The following MYO1D variants were observed in gnomAD, a reference collection of about 807,000 sequenced individuals.
The protein encoded by MYO1D is unconventional myosin-Id.
In MYO1D, 83 loss-of-function variants were observed where a neutral mutation model predicts 122.0. The observed-to-expected ratio is 0.68, with a 90% CI of 0.57 to 0.82. The LOEUF is 0.82. Ranked by LOEUF, MYO1D falls within the 40% of genes least tolerant of loss-of-function variation. The pLI, the probability that MYO1D is intolerant of heterozygous loss-of-function variation, is 0.00. For synonymous variants in MYO1D, 464 were observed against 446.9 expected, an observed-to-expected ratio of 1.04 and a Z score of -0.48; for missense variants, 1,157 against 1,269.5, an observed-to-expected ratio of 0.91 and a Z score of 1.35.
chr17:32,630,057 G>C (rs2087983863), intron 20 of MYO1D, among the ~76,000 whole-genome samples: 1 of 152,176 alleles, frequency 6.6e-6, no homozygotes, highest in African/African-American at 2.4e-5. Flanking sequence ...ACTAGAGTGA[G>C]AGACACTAGT....
chr17:32,645,913 A>T (rs899690919), intron 19 of MYO1D, among the ~76,000 whole-genome samples: 2 of 152,200 alleles, frequency 1.3e-5, no homozygotes, highest in Non-Finnish European at 2.9e-5. Flanking sequence ...CGTCAAAGTC[A>T]TTCTCCATCC....
At chr17:32,561,800 T>C (rs901094147) in intron 21 of MYO1D, among the ~76,000 whole-genome samples, 6 of 152,102 alleles carry the variant, frequency 3.9e-5, no homozygotes, top group Non-Finnish European at 5.9e-5. Context: ...TGTTAATATT[T>C]TGACATATTA....
At position 32,677,598 on chromosome 17, in the gene MYO1D, T is replaced by G. The variant is rs200160290; in HGVS notation, c.2122-18260A>C. Among the ~76,000 whole-genome samples, 82 of 19,898 alleles carry G rather than the reference T, an allele frequency of 4.1e-3. 1 individual carries two copies. The highest frequency in any genetic ancestry group is 9.4e-3 in the African/African-American group (78 of 8,280). The allele number at this position is 19,898 out of a possible 152,430, so 13.1% of individuals were successfully genotyped here. ...ATAGATAAATATATATATATATATA[T>G]ATATATATATATATATATATATATG... On this transcript the variant is annotated intron_variant, in intron 16 of 21. Transcript: ENST00000318217.
At chr17:32,741,881 G>A (rs1474311043) in intron 13 of MYO1D, among the ~76,000 whole-genome samples, 1 of 151,978 alleles carries the variant, frequency 6.6e-6, no homozygotes, top group African/African-American at 2.4e-5. Flanking sequence ...CGGGCGTGGT[G>A]GTGGGCGCCT....
intron 1 of MYO1D, among the ~76,000 whole-genome samples, chr17:32,799,178 A>G (rs1049150257): frequency 1.3e-5 from 2 of 152,216 alleles, no homozygotes; most frequent in African/African-American, 4.8e-5. Flanking sequence ...GTGGCAAAGA[A>G]AAGAGTCAAA....
chr17:32,656,248 G>A (rs1475448000), intron 17 of MYO1D, among the ~76,000 whole-genome samples: 1 of 152,038 alleles, frequency 6.6e-6, no homozygotes, highest in African/African-American at 2.4e-5. Context: ...TAACTAAAAT[G>A]GAAAATTCCC....
At chr17:32,701,224 C>T (rs567983767) in intron 16 of MYO1D, among the ~76,000 whole-genome samples, 5 of 152,122 alleles carry the variant, frequency 3.3e-5, no homozygotes, top group African/African-American at 1.2e-4. Context: ...AAATTAATCC[C>T]ACAAAATAAA....
rs190660937 is a variant in MYO1D at position 32,746,111 on chromosome 17, A to G, written c.1539-826T>C. Among the ~76,000 whole-genome samples the G allele has an allele frequency of 3.2e-4, 48 of 152,332 alleles. 1 individual carries two copies. The highest frequency in any genetic ancestry group is 6.8e-3 in the Middle Eastern group (2 of 294). On this transcript the variant is annotated intron_variant, in intron 12 of 21. Coordinates refer to ENST00000318217, the MANE Select transcript of MYO1D (RefSeq NM_015194.3). ...CAGTATAAGCAATTCTCAGATCTCT[A>G]ACCCGGATTCCTTGCCTTACATATT...
intron 1 of MYO1D, among the ~76,000 whole-genome samples, chr17:32,847,000 A>G (rs1368301807): frequency 1.3e-5 from 2 of 152,152 alleles, no homozygotes; most frequent in African/African-American, 2.4e-5. Flanking sequence ...CAAACAAACA[A>G]ATAAGTAAAT....
intron 1 of MYO1D, among the ~76,000 whole-genome samples, chr17:32,786,283 T>C (rs555790335): frequency 3.6e-4 from 55 of 152,214 alleles, no homozygotes; most frequent in Admixed American, 3.1e-3. Context: ...CAGGCTGTCA[T>C]AGTGGTGAGG....
intron 21 of MYO1D, among the ~76,000 whole-genome samples, chr17:32,585,831 C>T (rs2087382928): frequency 6.6e-6 from 1 of 150,652 alleles, no homozygotes. Flanking sequence ...ACAATTAATA[C>T]ATAACAATTA....
At chr17:32,619,247 T>C (rs2087821514) in intron 20 of MYO1D, among the ~76,000 whole-genome samples, 1 of 152,212 alleles carries the variant, frequency 6.6e-6, no homozygotes, top group Non-Finnish European at 1.5e-5. Context: ...GTCATCAATA[T>C]GCCTGCCTGT....
intron 21 of MYO1D, among the ~76,000 whole-genome samples, chr17:32,560,764 C>T (rs577254256): frequency 2.5e-3 from 374 of 150,878 alleles, no homozygotes; most frequent in Middle Eastern, 3.4e-3. Flanking sequence ...GGATTACAGG[C>T]GTGTGCCGTC....
chr17:32,500,623 A>G (rs1909285952), intron 21 of MYO1D, among the ~76,000 whole-genome samples: 1 of 152,218 alleles, frequency 6.6e-6, no homozygotes, highest in Admixed American at 6.5e-5. Context: ...AAGGGCAAGA[A>G]GAACCAGCCT....
chr17:32,533,153 A>G (rs1368682493), intron 21 of MYO1D, among the ~76,000 whole-genome samples: 1 of 152,118 alleles, frequency 6.6e-6, no homozygotes, highest in African/African-American at 2.4e-5. Context: ...ATGAAACTTT[A>G]TTTTGTAAAT....
intron 21 of MYO1D, among the ~76,000 whole-genome samples, chr17:32,522,829 T>C (rs1910195916): frequency 6.6e-6 from 1 of 151,620 alleles, no homozygotes; most frequent in African/African-American, 2.4e-5. Flanking sequence ...TTTTTTTTTT[T>C]TTTTTGAGAT....
chr17:32,708,213 T>C (rs1177982598), intron 16 of MYO1D, among the ~76,000 whole-genome samples: 1 of 152,192 alleles, frequency 6.6e-6, no homozygotes, highest in Non-Finnish European at 1.5e-5. Flanking sequence ...AAAGATAAAG[T>C]TGATCATAGA....
intron 1 of MYO1D, among the ~76,000 whole-genome samples, chr17:32,837,227 ATCT>A (rs2090835213): frequency 7.5e-6 from 1 of 133,132 alleles, no homozygotes; most frequent in Non-Finnish European, 1.6e-5. Context: ...TCATTTGGTT[ATCT>A]TCTTTTCAAA....
At chr17:32,649,242 C>T (rs1438557923) in intron 19 of MYO1D, among the ~76,000 whole-genome samples, 1 of 152,202 alleles carries the variant, frequency 6.6e-6, no homozygotes, top group African/African-American at 2.4e-5. Flanking sequence ...TAGGTCAATG[C>T]TTCATTGGCA....
Sources: allele counts gnomAD v4.1 joint callset (sites outside exome capture counted in the v4.1 genomes callset), GRCh38; gene constraint gnomAD v4.1.1; transcripts MANE v1.5; gene names NCBI Gene and HGNC (gene_info 2026-07-23, HGNC 2026-07-21).